ADCY8: variants seen among roughly 807,000 people sequenced by gnomAD.
ADCY8 encodes the protein adenylate cyclase type 8.
In ADCY8, 51 loss-of-function variants were observed where a neutral mutation model predicts 119.7. The observed-to-expected ratio is 0.43, with a 90% confidence interval of 0.34 to 0.54. ADCY8 has a LOEUF of 0.54. Ranked by LOEUF, ADCY8 falls within the 20% of genes least tolerant of loss-of-function variation. The pLI, the probability that ADCY8 is intolerant of heterozygous loss-of-function variation, is 0.03. For synonymous variants in ADCY8, 665 were observed against 651.0 expected, an observed-to-expected ratio of 1.02 and a Z score of -0.33; for missense variants, 1,383 against 1,598.8, an observed-to-expected ratio of 0.87 and a Z score of 2.30.
In ADCY8 at chr8:130,943,395, T is replaced by C. The variant is rs1267342888; in HGVS notation, c.1309A>G (p.Arg437Gly). 4 of 1,608,924 alleles carry C rather than the reference T, an allele frequency of 2.5e-6. No homozygotes were observed. The highest frequency in any genetic ancestry group is 1.7e-5 in the Admixed American group (1 of 58,604). ...CTGGCAAAGAGCTCGTTGAGCATCC[T>C]GACCAGCTCCTGAGCAGACAAGGTC... ...STTLSAQELV[R>G]MLNELFARFD... is the part of the protein sequence containing the mutation. The change falls in exon 4 of 18, where the codon AGG (arginine) becomes GGG (glycine). Residue 437 changes from arginine (R) to glycine (G), a missense_variant. Around this residue, in one of 2 missense-constraint regions of ADCY8, gnomAD observed 928 missense variants for 1,163.5 expected, o/e 0.80. Coordinates refer to ENST00000286355, the MANE Select transcript of ADCY8 (RefSeq NM_001115.3).
chr8:130,796,597 C>CCAAAA (rs202026312), intron 15 of ADCY8, among the ~76,000 whole-genome samples: 1,703 of 152,044 alleles, frequency 0.011, 35 homozygotes, highest in Non-Finnish European at 0.011. Context: ...CCTCTCTTGA[C>CCAAAA]CAAAACAAAA....
intron 5 of ADCY8, among the ~76,000 whole-genome samples, chr8:130,921,276 G>A (rs1170383645): frequency 6.6e-6 from 1 of 151,586 alleles, no homozygotes; most frequent in African/African-American, 2.4e-5. Context: ...TTCCAGCAGG[G>A]GTAGCTAAAA....
intron 5 of ADCY8, among the ~76,000 whole-genome samples, chr8:130,926,153 T>G (rs1245623827): frequency 6.6e-6 from 1 of 152,158 alleles, no homozygotes; most frequent in East Asian, 1.9e-4. Context: ...TGCACATACA[T>G]ACAAACACAT....
intron 11 of ADCY8, 129 bp from the exon 12 acceptor site, chr8:130,836,578 A>G: frequency 1.1e-6 from 1 of 887,776 alleles, no homozygotes; most frequent in Non-Finnish European, 1.7e-6. Context: ...GCCTCCTGAA[A>G]TTCAACAGGT....
At chr8:131,012,780 A>G (rs780137969) in intron 1 of ADCY8, among the ~76,000 whole-genome samples, 45 of 152,040 alleles carry the variant, frequency 3.0e-4, no homozygotes, top group Admixed American at 8.5e-4. Context: ...CAGCTTCAGA[A>G]CTCTCCGAAG....
intron 1 of ADCY8, among the ~76,000 whole-genome samples, chr8:131,020,369 C>T (rs942073007): frequency 2.6e-5 from 4 of 152,110 alleles, no homozygotes; most frequent in Non-Finnish European, 5.9e-5. Context: ...ATTGGATGCA[C>T]TTGAGGACAT....
rs1816971476 is a variant in ADCY8, at chr8:130,835,923, C to CT, written c.2675+353dup. Among the ~76,000 whole-genome samples the CT allele has an allele frequency of 2.6e-5, 4 of 152,214 alleles. No individual in the cohort carries two copies. The South Asian group carries it at 8.3e-4, about 32-fold the overall frequency. On this transcript the variant is annotated intron_variant, in intron 12 of 17. Coordinates refer to ENST00000286355, the MANE Select transcript of ADCY8 (RefSeq NM_001115.3). ...ACGATGCAATGGGAGAGCATGAGGG[C>CT]TTAATACACAGTGGCTGCTATTATT... is the stretch of plus-strand genomic sequence containing the variant.
intron 6 of ADCY8, among the ~76,000 whole-genome samples, chr8:130,905,267 C>A (rs1205050598): frequency 6.6e-6 from 1 of 152,194 alleles, no homozygotes; most frequent in Non-Finnish European, 1.5e-5. Context: ...AGACTATTGT[C>A]AGGCCTTCTG....
chr8:130,904,933 G>C (rs956184245), intron 6 of ADCY8, among the ~76,000 whole-genome samples: 1 of 152,120 alleles, frequency 6.6e-6, no homozygotes, highest in Non-Finnish European at 1.5e-5. Context: ...GCAAGGTAAG[G>C]TGGTTACAAA....
chr8:130,940,550 A>C (rs1358650907), intron 4 of ADCY8, among the ~76,000 whole-genome samples: 2 of 151,998 alleles, frequency 1.3e-5, no homozygotes, highest in African/African-American at 4.8e-5. Flanking sequence ...ATAATACATT[A>C]AAGGCCTGGA....
intron 2 of ADCY8, among the ~76,000 whole-genome samples, chr8:130,973,211 A>G (rs1219577999): frequency 1.3e-5 from 2 of 152,216 alleles, no homozygotes; most frequent in African/African-American, 4.8e-5. Flanking sequence ...CAGACAACCC[A>G]AACTTACTAA....
intron 5 of ADCY8, among the ~76,000 whole-genome samples, chr8:130,921,449 C>CTTTTTTTTTTTTTTTTTTTT (rs35570520): frequency 1.9e-5 from 2 of 107,630 alleles, no homozygotes; most frequent in Admixed American, 9.3e-5. Context: ...TTTTTCTTTT[C>CTTTTTTTTTTTTTTTTTTTT]TTTTTTTTTT....
intron 5 of ADCY8, among the ~76,000 whole-genome samples, chr8:130,911,013 C>A (rs1304763390): frequency 1.3e-5 from 2 of 152,128 alleles, no homozygotes; most frequent in East Asian, 3.9e-4. Context: ...GTGAGCTATT[C>A]ATTTGTCTTT....
chr8:130,824,217 G>C (rs1023799504), intron 12 of ADCY8, among the ~76,000 whole-genome samples: 11 of 152,108 alleles, frequency 7.2e-5, no homozygotes, highest in African/African-American at 2.7e-4. Context: ...CATTCAGCTT[G>C]AATTTATCTT....
chr8:130,787,889 ATG>A (rs2130059390), intron 15 of ADCY8, among the ~76,000 whole-genome samples: 1 of 151,148 alleles, frequency 6.6e-6, no homozygotes, highest in South Asian at 2.1e-4. Flanking sequence ...TGGTGTTTAT[ATG>A]TGTGTCCACA....
At chr8:130,806,437 A>G (rs1815960570) in intron 14 of ADCY8, among the ~76,000 whole-genome samples, 1 of 152,212 alleles carries the variant, frequency 6.6e-6, no homozygotes, top group Non-Finnish European at 1.5e-5. Flanking sequence ...AAGAGGGCAC[A>G]CATTCAGATC....
intron 12 of ADCY8, among the ~76,000 whole-genome samples, chr8:130,823,398 C>T (rs1369465799): frequency 6.6e-6 from 1 of 152,084 alleles, no homozygotes; most frequent in African/African-American, 2.4e-5. Flanking sequence ...TTCAATGATT[C>T]CTTAAAGAAC....
intron 8 of ADCY8, among the ~76,000 whole-genome samples, chr8:130,869,898 T>C (rs1818275963): frequency 1.3e-5 from 2 of 152,020 alleles, no homozygotes; most frequent in Non-Finnish European, 2.9e-5. Flanking sequence ...ATCATTTTAG[T>C]GTAGTTAATC....
chr8:130,827,707 C>G (rs2130229601), intron 12 of ADCY8, among the ~76,000 whole-genome samples: 1 of 152,258 alleles, frequency 6.6e-6, no homozygotes, highest in South Asian at 2.1e-4. Flanking sequence ...AGGTGTCTAC[C>G]CCAGACAATG....
Sources: allele counts gnomAD v4.1 joint callset (sites outside exome capture counted in the v4.1 genomes callset), GRCh38; gene constraint gnomAD v4.1.1; regional missense constraint gnomAD v4.1.1; transcripts MANE v1.5; gene names NCBI Gene and HGNC (gene_info 2026-07-23, HGNC 2026-07-21).